The following SPECC1L variants were observed in gnomAD, a reference collection of about 807,000 sequenced individuals.
SPECC1L encodes cytospin-A.
SPECC1L carries 40 observed loss-of-function variants against 116.8 expected under a neutral mutation model. That is an observed-to-expected ratio of 0.34 (90% CI 0.27 to 0.45). The LOEUF (loss-of-function observed/expected upper bound fraction) is 0.45, where lower values mean the gene tolerates loss of function less well. Ranked by LOEUF, SPECC1L falls within the 20% of genes least tolerant of loss-of-function variation. SPECC1L has a pLI of 1.00. For missense variants in SPECC1L, 1,110 were observed against 1,373.6 expected (o/e 0.81, Z 3.03); for synonymous variants, 504 against 500.6 (o/e 1.01, Z -0.09).
intron 8 of SPECC1L, among the ~76,000 whole-genome samples, chr22:24,331,847 T>A (rs2040945235): frequency 6.6e-6 from 1 of 152,188 alleles, no homozygotes; most frequent in African/African-American, 2.4e-5. Flanking sequence ...TTAATGTAGG[T>A]TTCACTTAAA....
chr22:24,405,838 C>CAGAAAA (rs547594246), intron 14 of SPECC1L, among the ~76,000 whole-genome samples: 6 of 136,512 alleles, frequency 4.4e-5, no homozygotes, highest in African/African-American at 1.4e-4. Context: ...GACTCTGCCT[C>CAGAAAA]AAAAAAAAAA....
intron 14 of SPECC1L, among the ~76,000 whole-genome samples, chr22:24,396,727 T>C (rs1453030078): frequency 3.3e-5 from 5 of 152,364 alleles, no homozygotes; most frequent in Admixed American, 2.6e-4. Context: ...TTTACTGTAC[T>C]GCATAGAAGT....
At chr22:24,387,065 C>T (rs1267712136) in intron 14 of SPECC1L, among the ~76,000 whole-genome samples, 1 of 152,194 alleles carries the variant, frequency 6.6e-6, no homozygotes, top group Non-Finnish European at 1.5e-5. Context: ...GCTGACAGGG[C>T]TCTAAACTGT....
intron 2 of SPECC1L, among the ~76,000 whole-genome samples, chr22:24,300,952 A>T (rs1446159559): frequency 6.6e-6 from 1 of 152,210 alleles, no homozygotes; most frequent in Non-Finnish European, 1.5e-5. Flanking sequence ...CTTACACCTT[A>T]TAAAAAATTA....
intron 8 of SPECC1L, among the ~76,000 whole-genome samples, chr22:24,331,755 A>C (rs2040943084): frequency 6.6e-6 from 1 of 152,198 alleles, no homozygotes; most frequent in Non-Finnish European, 1.5e-5. Context: ...AAGCAAGTGT[A>C]AACTGTTGAT....
chr22:24,356,666 T>G (rs1569433216), intron 11 of SPECC1L, among the ~76,000 whole-genome samples: 1 of 152,204 alleles, frequency 6.6e-6, no homozygotes, highest in Non-Finnish European at 1.5e-5. Flanking sequence ...ATATGATTAT[T>G]ATTATGGTTA....
chr22:24,313,507 G>A, intron 4 of SPECC1L, 41 bp downstream of exon 4: 1 of 1,607,958 alleles, frequency 6.2e-7, no homozygotes, highest in Non-Finnish European at 8.5e-7. Flanking sequence ...CTGCTTTTTT[G>A]TTTGAATGGG....
intron 11 of SPECC1L, among the ~76,000 whole-genome samples, chr22:24,356,680 T>C (rs1322360883): frequency 1.3e-5 from 2 of 152,190 alleles, no homozygotes; most frequent in Non-Finnish European, 2.9e-5. Context: ...ATGGTTAGAT[T>C]AAAATCTACC....
intron 16 of SPECC1L, 62 bp from the exon 17 acceptor site, chr22:24,414,472 G>A: frequency 7.3e-7 from 1 of 1,375,150 alleles, no homozygotes; most frequent in South Asian, 1.2e-5. Flanking sequence ...CTATGGCAGA[G>A]CCCATTGGCA....
At chr22:24,336,684 A>G (rs1253954040) in intron 9 of SPECC1L, among the ~76,000 whole-genome samples, 5 of 152,238 alleles carry the variant, frequency 3.3e-5, no homozygotes, top group Non-Finnish European at 5.9e-5. Context: ...AGCATGCTTT[A>G]ATGCACAAAA....
In SPECC1L at chr22:24,330,369, A is replaced by G; in HGVS notation, c.2334A>G (p.Leu778=). 2.5e-6 allele frequency: 4 copies of G among 1,614,230 alleles called. No individual in the cohort carries two copies. Among genetic ancestry groups the G allele is most frequent in the Non-Finnish European group, 3.4e-6 (4 of 1,180,036 alleles). The change falls in exon 8 of 17, where the codon TTA becomes TTG. Residue 778 remains leucine (L), a synonymous_variant. Coordinates refer to ENST00000314328, the MANE Select transcript of SPECC1L (RefSeq NM_015330.6). ...AGATTGGTGATCTAAAGCGCCGGTT[A>G]CATGAGGCTCAAGAAAAAAATGAGA... ...QEEIGDLKRR[L]HEAQEKNEKL... is the part of the protein sequence containing the mutation.
chr22:24,364,364 T>G (rs1200381337), intron 12 of SPECC1L, among the ~76,000 whole-genome samples: 1 of 152,142 alleles, frequency 6.6e-6, no homozygotes, highest in African/African-American at 2.4e-5. Context: ...GATTTAGTTT[T>G]TTAAAATGTG....
At chr22:24,319,847 G>T (rs1435948073) in intron 4 of SPECC1L, among the ~76,000 whole-genome samples, 2 of 152,196 alleles carry the variant, frequency 1.3e-5, no homozygotes, top group Admixed American at 1.3e-4. Context: ...TAATGAACCA[G>T]CAGGGTCTTT....
chr22:24,347,184 T>TA lies in SPECC1L; in HGVS notation c.2743+10dup, dbSNP rs777424288. On this transcript the variant is annotated intron_variant, in intron 11 of 16. Coordinates refer to ENST00000314328, the MANE Select transcript of SPECC1L (RefSeq NM_015330.6). ...GGGAAATCCCTGTTCAAGGTACGTG[T>TA]AATATGCCATAGCATTTCACCTTTT... 1.9e-6 allele frequency: 3 copies of TA among 1,599,064 alleles called. No homozygotes were observed. The highest frequency in any genetic ancestry group is 2.6e-6 in the Non-Finnish European group (3 of 1,166,266).
intron 16 of SPECC1L, 102 bp from the exon 17 acceptor site, chr22:24,414,432 G>A: frequency 1.1e-6 from 1 of 914,442 alleles, no homozygotes; most frequent in South Asian, 1.4e-5. Flanking sequence ...AATATTTCAA[G>A]GCCCCATCCA....
At chr22:24,331,442 T>G (rs5760347) in intron 8 of SPECC1L, among the ~76,000 whole-genome samples, 1 of 152,206 alleles carries the variant, frequency 6.6e-6, no homozygotes, top group African/African-American at 2.4e-5. Context: ...TTTTTTCTCT[T>G]TATTATTAAA....
intron 2 of SPECC1L, among the ~76,000 whole-genome samples, chr22:24,297,592 T>C (rs375521291): frequency 1.3e-5 from 2 of 152,212 alleles, no homozygotes; most frequent in East Asian, 1.9e-4. Flanking sequence ...GGAGAAAATA[T>C]AAGTATTCAC....
At chr22:24,340,175 G>T (rs1485997298) in intron 10 of SPECC1L, among the ~76,000 whole-genome samples, 1 of 122,490 alleles carries the variant, frequency 8.2e-6, no homozygotes, top group African/African-American at 3.3e-5. Context: ...TTGAGACGGA[G>T]TCTCACTCTG....
intron 11 of SPECC1L, among the ~76,000 whole-genome samples, chr22:24,353,097 AG>A (rs2146586562): frequency 6.6e-6 from 1 of 152,356 alleles, no homozygotes; most frequent in East Asian, 1.9e-4. Context: ...CTTCCCTTAT[AG>A]GAACATCCTA....
Sources: allele counts gnomAD v4.1 joint callset (sites outside exome capture counted in the v4.1 genomes callset), GRCh38; gene constraint gnomAD v4.1.1; transcripts MANE v1.5; gene names NCBI Gene and HGNC (gene_info 2026-07-23, HGNC 2026-07-21).